SOX6: variants seen among roughly 807,000 people sequenced by gnomAD.
SOX6 encodes the protein SRY-box transcription factor 6.
In SOX6, 11 loss-of-function variants were observed where a neutral mutation model predicts 97.8. That is an observed-to-expected ratio of 0.11 (90% confidence interval 0.07 to 0.19). The LOEUF (loss-of-function observed/expected upper bound fraction) is 0.19. SOX6 is among the 10% of genes least tolerant of loss of function. The pLI, the probability that SOX6 is intolerant of heterozygous loss-of-function variation, is 1.00. For synonymous variants in SOX6, 360 were observed against 371.4 expected, an observed-to-expected ratio of 0.97 and a Z score of 0.35; for missense variants, 810 against 1,039.5, an observed-to-expected ratio of 0.78 and a Z score of 3.04.
intron 4 of SOX6, among the ~76,000 whole-genome samples, chr11:16,584,660 G>T (rs943940947): frequency 2.0e-5 from 3 of 152,100 alleles, no homozygotes; most frequent in Non-Finnish European, 2.9e-5. Flanking sequence ...GGAACCTTCT[G>T]GGACCTAGTG....
intron 1 of SOX6, among the ~76,000 whole-genome samples, chr11:16,418,281 G>A (rs528790507): frequency 2.4e-4 from 37 of 152,108 alleles, no homozygotes; most frequent in Non-Finnish European, 4.1e-4. Context: ...AAGTGATATG[G>A]TAATCATCAT....
At chr11:16,088,069 A>C (rs1848614094) in intron 9 of SOX6, among the ~76,000 whole-genome samples, 1 of 152,076 alleles carries the variant, frequency 6.6e-6, no homozygotes, top group Non-Finnish European at 1.5e-5. Context: ...CGTGCTAAAA[A>C]ATTTTTTTGC....
At chr11:16,008,851 C>G (rs899055542) in intron 13 of SOX6, among the ~76,000 whole-genome samples, 13 of 152,004 alleles carry the variant, frequency 8.6e-5, no homozygotes, top group Admixed American at 2.6e-4. Context: ...CAGAGTTAGT[C>G]CAGAGCCCAG....
chr11:16,646,376 A>G lies in SOX6; in HGVS notation n.430-34116T>C, dbSNP rs199758407. 3 of 152,048 alleles carry G rather than the reference A, an allele frequency of 2.0e-5. No homozygotes were observed. In the East Asian group the frequency reaches 5.8e-4, roughly 29 times the overall value. The allele number at this position is 152,048 out of a possible 1,614,324, so 9.4% of individuals were successfully genotyped here. On this transcript the variant is annotated intron_variant and non_coding_transcript_variant, in intron 3 of 5. Coordinates refer to the SOX6 transcript ENST00000524520. ...ATAATATGTTGTGTTTATTCTATTT[A>G]TATTTACTGTGATTACTCATATGTG...
At chr11:16,191,563 G>A (rs1851631778) in intron 4 of SOX6, among the ~76,000 whole-genome samples, 1 of 152,194 alleles carries the variant, frequency 6.6e-6, no homozygotes, top group African/African-American at 2.4e-5. Context: ...CAGGCCAGCA[G>A]AGGTCATCAG....
chr11:15,980,080 T>C (rs1853613623), intron 15 of SOX6, among the ~76,000 whole-genome samples: 1 of 152,028 alleles, frequency 6.6e-6, no homozygotes, highest in South Asian at 2.1e-4. Flanking sequence ...TTCTAAGTAA[T>C]CTATTTCAGG....
intron 3 of SOX6, among the ~76,000 whole-genome samples, chr11:16,281,386 G>A (rs1008362626): frequency 1.3e-5 from 2 of 151,964 alleles, no homozygotes; most frequent in African/African-American, 2.4e-5. Context: ...AAAGACACAT[G>A]AATTACCATT....
intron 3 of SOX6, among the ~76,000 whole-genome samples, chr11:16,259,618 TTAAACTCAA>T (rs1357977045): frequency 6.6e-6 from 1 of 152,146 alleles, no homozygotes; most frequent in Admixed American, 6.6e-5. Context: ...GCTACAACAT[TTAAACTCAA>T]AGACATTATG....
intron 3 of SOX6, among the ~76,000 whole-genome samples, chr11:16,624,471 C>T (rs1035197239): frequency 6.6e-6 from 1 of 152,030 alleles, no homozygotes; most frequent in Non-Finnish European, 1.5e-5. Context: ...CCACCGTGCC[C>T]GGCCCATTTT....
chr11:16,055,318 A>T (rs1393847132), intron 10 of SOX6, among the ~76,000 whole-genome samples: 1 of 152,150 alleles, frequency 6.6e-6, no homozygotes, highest in Non-Finnish European at 1.5e-5. Flanking sequence ...ACAGAGTCCG[A>T]CATCAAATTC....
intron 9 of SOX6, among the ~76,000 whole-genome samples, chr11:16,062,273 C>CA (rs1024411844): frequency 5.4e-4 from 81 of 149,538 alleles, no homozygotes; most frequent in African/African-American, 1.5e-3. Context: ...TAGTTAATAA[C>CA]AAAAAAAAAC....
At chr11:16,287,298 T>TCTCTCACACA (rs1554953497) in intron 3 of SOX6, among the ~76,000 whole-genome samples, 4 of 123,448 alleles carry the variant, frequency 3.2e-5, no homozygotes, top group African/African-American at 1.3e-4. Flanking sequence ...TCTCTCTCTC[T>TCTCTCACACA]CACACACACA....
chr11:16,514,125 A>G (rs1295047375), intron 4 of SOX6, among the ~76,000 whole-genome samples: 1 of 151,530 alleles, frequency 6.6e-6, no homozygotes, highest in Admixed American at 6.6e-5. Flanking sequence ...CTGAGGTGAG[A>G]GAATCGCTTC....
chr11:15,985,059 C>CA (rs1050882985), intron 15 of SOX6, among the ~76,000 whole-genome samples: 19 of 152,270 alleles, frequency 1.2e-4, no homozygotes, highest in Admixed American at 3.9e-4. Context: ...AGTCAAACTC[C>CA]AAAGCCCACG....
chr11:16,712,496 A>G (rs1274151115), intron 3 of SOX6, among the ~76,000 whole-genome samples: 1 of 151,986 alleles, frequency 6.6e-6, no homozygotes, highest in African/African-American at 2.4e-5. Flanking sequence ...TTCCCTGATC[A>G]TTAGTGATGT....
At chr11:16,454,677 T>G (rs565778209) in intron 1 of SOX6, among the ~76,000 whole-genome samples, 1 of 152,202 alleles carries the variant, frequency 6.6e-6, no homozygotes, top group East Asian at 1.9e-4. Context: ...AACAGAAATG[T>G]AGTGCATTCT....
intron 6 of SOX6, among the ~76,000 whole-genome samples, chr11:16,130,422 G>A (rs1849711598): frequency 6.6e-6 from 1 of 151,848 alleles, no homozygotes; most frequent in South Asian, 2.1e-4. Flanking sequence ...ATTTCACTAT[G>A]TTTATGCATA....
At chr11:16,594,584 T>C (rs1848189124) in intron 4 of SOX6, among the ~76,000 whole-genome samples, 1 of 151,994 alleles carries the variant, frequency 6.6e-6, no homozygotes, top group South Asian at 2.1e-4. Flanking sequence ...GGGTAAAAAA[T>C]GTTCCTGAGA....
chr11:16,287,739 ATTAAC>A (rs2134253206), intron 3 of SOX6, among the ~76,000 whole-genome samples: 1 of 152,188 alleles, frequency 6.6e-6, no homozygotes, highest in East Asian at 1.9e-4. Context: ...TTAGAGTATT[ATTAAC>A]TTAACAAAGA....
Sources: gnomAD v4.1 joint callset for allele counts (sites outside exome capture counted in the v4.1 genomes callset) on GRCh38, gnomAD v4.1.1 for gene constraint, MANE v1.5 for transcripts, NCBI Gene and HGNC (gene_info 2026-07-23, HGNC 2026-07-21) for gene names.